The following MAP2K6 variants were observed in gnomAD, a reference collection of about 807,000 sequenced individuals.
The protein encoded by MAP2K6 is mitogen-activated protein kinase kinase 6.
Under a neutral mutation model 53.7 loss-of-function variants are expected in MAP2K6, and 16 were observed. The observed-to-expected ratio is 0.30, with a 90% CI of 0.20 to 0.45. The LOEUF is 0.45. MAP2K6 is among the 20% of genes least tolerant of loss of function. The pLI is 1.00. For missense variants in MAP2K6, 204 were observed against 411.9 expected, an observed-to-expected ratio of 0.50 and a Z score of 4.37; for synonymous variants, 132 against 143.1, an observed-to-expected ratio of 0.92 and a Z score of 0.55.
chr17:69,499,637 A>G (rs1349099590), intron 1 of MAP2K6, among the ~76,000 whole-genome samples: 2 of 152,250 alleles, frequency 1.3e-5, no homozygotes, highest in African/African-American at 4.8e-5. Flanking sequence ...ACAAACATTC[A>G]GTCAACAAAT....
At chr17:69,466,111 TAA>T (rs143017970) in intron 1 of MAP2K6, among the ~76,000 whole-genome samples, 105,644 of 135,876 alleles carry the variant, frequency 0.78, 41,024 homozygotes, top group African/African-American at 0.86. Flanking sequence ...CATCAGTACT[TAA>T]AAAAAAAAAA....
At chr17:69,501,851 A>G (rs987139644) in intron 1 of MAP2K6, 3 of 150,488 alleles carry the variant, frequency 2.0e-5, no homozygotes, top group African/African-American at 7.3e-5. Flanking sequence ...GCTTTAGAAT[A>G]TCAAAGGCAA....
At chr17:69,456,224 T>C (rs1378398613) in intron 1 of MAP2K6, among the ~76,000 whole-genome samples, 2 of 152,134 alleles carry the variant, frequency 1.3e-5, no homozygotes, top group South Asian at 2.1e-4. Flanking sequence ...TCATCCTGTT[T>C]AGTGGACCTT....
At chr17:69,426,223 G>C (rs1364040997) in intron 1 of MAP2K6, among the ~76,000 whole-genome samples, 1 of 152,114 alleles carries the variant, frequency 6.6e-6, no homozygotes, top group African/African-American at 2.4e-5. Flanking sequence ...CATCATGCTG[G>C]GTAGAAATAG....
At chr17:69,435,533 CAAA>C (rs756597132) in intron 1 of MAP2K6, 6 of 64,968 alleles carry the variant, frequency 9.2e-5, no homozygotes, top group Admixed American at 3.3e-4. Flanking sequence ...GATCCTGTCT[CAAA>C]AAAAAAAAAA....
chr17:69,415,902 T>G (rs1038694377), intron 1 of MAP2K6, among the ~76,000 whole-genome samples: 4 of 152,330 alleles, frequency 2.6e-5, no homozygotes, highest in Non-Finnish European at 4.4e-5. Context: ...TCTTAATTTT[T>G]GTTTTTAAAC....
intron 10 of MAP2K6, among the ~76,000 whole-genome samples, chr17:69,531,273 C>T (rs957808182): frequency 3.9e-5 from 6 of 152,138 alleles, no homozygotes; most frequent in South Asian, 2.1e-4. Flanking sequence ...CCATTATACC[C>T]GCAGCCTAGG....
At chr17:69,504,082 C>T (rs116731327) in intron 1 of MAP2K6, among the ~76,000 whole-genome samples, 1,637 of 152,204 alleles carry the variant, frequency 0.011, 25 homozygotes, top group African/African-American at 0.037. Flanking sequence ...CTGACTGGGT[C>T]ATTGCTGACC....
chr17:69,496,913 A>G (rs1226352313), intron 1 of MAP2K6, among the ~76,000 whole-genome samples: 2 of 151,888 alleles, frequency 1.3e-5, no homozygotes, highest in Admixed American at 6.6e-5. Flanking sequence ...ACTTAACTTC[A>G]TTTGGGGGTG....
At chr17:69,471,336 C>G (rs993784157) in intron 1 of MAP2K6, among the ~76,000 whole-genome samples, 1 of 152,172 alleles carries the variant, frequency 6.6e-6, no homozygotes, top group Non-Finnish European at 1.5e-5. Context: ...GAATACTATA[C>G]AGCCACAGAG....
rs538149274 is a variant in MAP2K6 at position 69,454,102 on chromosome 17, C to T, written c.16+39102C>T. ...CAGAAAAACGTATTTCCTAGTGACA[C>T]GGTCAAAAACTCTTTGTTGTGGTTT... On this transcript the variant is annotated intron_variant, in intron 1 of 11. Transcript: ENST00000590474. Among the ~76,000 whole-genome samples the T allele has an allele frequency of 6.6e-5, 10 of 152,240 alleles. No individual in the cohort carries two copies. The South Asian group carries it at 1.2e-3, about 19-fold the overall frequency.
intron 1 of MAP2K6, among the ~76,000 whole-genome samples, chr17:69,503,212 T>G (rs2145217911): frequency 6.6e-6 from 1 of 152,350 alleles, no homozygotes; most frequent in Non-Finnish European, 1.5e-5. Context: ...TGTATAGTTA[T>G]CTAAACAAGT....
chr17:69,463,583 GC>G lies in MAP2K6; in HGVS notation c.17-42192del, dbSNP rs549972382. Among the ~76,000 whole-genome samples the G allele has an allele frequency of 1.3e-3, 189 of 148,094 alleles. No individual in the cohort carries two copies. The Middle Eastern group carries it at 0.018, about 14-fold the overall frequency. On this transcript the variant is annotated intron_variant, in intron 1 of 11. Coordinates refer to ENST00000590474, the MANE Select transcript of MAP2K6 (RefSeq NM_002758.4). Reference sequence around the variant, plus strand: ...ACGTTCAAGCGATTCTCCTGTCTCAGCCCCCAGAGTAGCTAGCTCCCTCTCT... The same window carrying G: ...ACGTTCAAGCGATTCTCCTGTCTCAGCCCCAGAGTAGCTAGCTCCCTCTCT...
intron 11 of MAP2K6, among the ~76,000 whole-genome samples, chr17:69,538,977 A>G (rs1911488199): frequency 6.6e-6 from 1 of 152,178 alleles, no homozygotes; most frequent in African/African-American, 2.4e-5. Context: ...ATAAAACTTT[A>G]TTTAAAAAAA....
chr17:69,484,390 C>T (rs1908450933), intron 1 of MAP2K6, among the ~76,000 whole-genome samples: 1 of 151,896 alleles, frequency 6.6e-6, no homozygotes, highest in African/African-American at 2.4e-5. Context: ...ATCTACTTCA[C>T]ATCTAGGATG....
intron 1 of MAP2K6, among the ~76,000 whole-genome samples, chr17:69,465,889 G>C (rs1907781056): frequency 6.6e-6 from 1 of 151,324 alleles, no homozygotes. Context: ...AAAGTGCTGG[G>C]ATTACAGGCA....
intron 1 of MAP2K6, among the ~76,000 whole-genome samples, chr17:69,425,318 T>G (rs1310397566): frequency 3.3e-5 from 5 of 152,082 alleles, no homozygotes; most frequent in South Asian, 2.1e-4. Context: ...TCTTTTTTTT[T>G]TTGTTTTTTT....
intron 10 of MAP2K6, among the ~76,000 whole-genome samples, chr17:69,529,034 A>G (rs1910940569): frequency 6.6e-6 from 1 of 152,080 alleles, no homozygotes; most frequent in Non-Finnish European, 1.5e-5. Flanking sequence ...TGGGTGCTTT[A>G]GGAAATTTTG....
intron 1 of MAP2K6, among the ~76,000 whole-genome samples, chr17:69,473,016 T>G (rs886474472): frequency 1.3e-5 from 2 of 152,222 alleles, no homozygotes; most frequent in African/African-American, 4.8e-5. Flanking sequence ...CTATTCATCT[T>G]TCTTAAATGT....
Sources: gnomAD v4.1 joint callset for allele counts (sites outside exome capture counted in the v4.1 genomes callset) on GRCh38, gnomAD v4.1.1 for gene constraint, MANE v1.5 for transcripts, NCBI Gene and HGNC (gene_info 2026-07-23, HGNC 2026-07-21) for gene names.